WLS: variants seen among roughly 807,000 people sequenced by gnomAD.
WLS encodes protein wntless homolog.
Under a neutral mutation model 62.8 loss-of-function variants are expected in WLS, and 23 were observed. That is an observed-to-expected ratio of 0.37 (90% CI 0.26 to 0.52). WLS has a LOEUF of 0.52. Among genes scored for constraint, WLS ranks in the 20% least tolerant of loss-of-function variants. The probability of loss-of-function intolerance (pLI) is 0.92; values close to 1 mark genes in which losing one functional copy is unlikely to be tolerated. For missense variants in WLS, 615 were observed against 697.3 expected (o/e 0.88, Z 1.33); for synonymous variants, 246 against 244.1 (o/e 1.01, Z -0.07).
intron 3 of WLS, among the ~76,000 whole-genome samples, chr1:68,158,302 G>C (rs1235673957): frequency 6.6e-6 from 1 of 152,150 alleles, no homozygotes; most frequent in Non-Finnish European, 1.5e-5. Flanking sequence ...TAGGAAACCT[G>C]CGGGAGGGAG....
At chr1:68,146,567 G>T (rs1228212090) in intron 8 of WLS, among the ~76,000 whole-genome samples, 1 of 152,128 alleles carries the variant, frequency 6.6e-6, no homozygotes, top group Non-Finnish European at 1.5e-5. Context: ...AGATACTCTG[G>T]CATAATTGAA....
chr1:68,149,742 G>A lies in WLS; in HGVS notation c.972+446C>T, dbSNP rs566826036. Among the ~76,000 whole-genome samples the A allele has an allele frequency of 2.6e-5, 4 of 152,296 alleles. No individual in the cohort carries two copies. In the South Asian group the frequency reaches 8.3e-4, roughly 32 times the overall value. ...GGCCACCTGGACACATTGCCAGCTG[G>A]AAAGAGCCAGGCCCACATTCTCTGA... On this transcript the variant is annotated intron_variant, in intron 6 of 11. Coordinates refer to ENST00000262348, the MANE Select transcript of WLS (RefSeq NM_024911.7).
At chr1:68,219,542 C>T (rs756157596) in intron 1 of WLS, among the ~76,000 whole-genome samples, 6 of 152,130 alleles carry the variant, frequency 3.9e-5, no homozygotes, top group Non-Finnish European at 8.8e-5. Context: ...TTAGGGAGGA[C>T]CTCAAAGCCT....
intron 11 of WLS, among the ~76,000 whole-genome samples, chr1:68,130,704 T>G (rs1041673817): frequency 2.6e-5 from 4 of 152,176 alleles, no homozygotes; most frequent in African/African-American, 9.7e-5. Context: ...TTAATATGAT[T>G]GTTATGTTAA....
intron 11 of WLS, among the ~76,000 whole-genome samples, chr1:68,111,812 T>C (rs112596186): frequency 3.3e-5 from 5 of 152,308 alleles, no homozygotes; most frequent in African/African-American, 1.2e-4. Context: ...TTCTGGTGTA[T>C]GTCCTGCTTG....
intron 6 of WLS, among the ~76,000 whole-genome samples, chr1:68,149,343 C>T (rs1289046200): frequency 6.6e-6 from 1 of 152,136 alleles, no homozygotes; most frequent in African/African-American, 2.4e-5. Context: ...GCTGCTGAGG[C>T]CTCATTCTCA....
At chr1:68,229,871 A>T (rs943624926) in intron 1 of WLS, among the ~76,000 whole-genome samples, 1 of 152,196 alleles carries the variant, frequency 6.6e-6, no homozygotes, top group Non-Finnish European at 1.5e-5. Context: ...TTATACATAG[A>T]TATTTTTCAA....
At chr1:68,151,368 A>T (rs754335207) in intron 5 of WLS, among the ~76,000 whole-genome samples, 6 of 152,156 alleles carry the variant, frequency 3.9e-5, no homozygotes, top group Non-Finnish European at 7.3e-5. Context: ...GGAGAACTGA[A>T]ATTTATCTTG....
intron 1 of WLS, among the ~76,000 whole-genome samples, chr1:68,207,311 T>C (rs999250439): frequency 2.0e-5 from 3 of 152,200 alleles, no homozygotes; most frequent in East Asian, 1.9e-4. Flanking sequence ...ATGAAATAAT[T>C]TGGATCATGT....
chr1:68,106,650 TAGAC>T (rs1421908379), intron 11 of WLS, among the ~76,000 whole-genome samples: 1 of 152,212 alleles, frequency 6.6e-6, no homozygotes, highest in African/African-American at 2.4e-5. Context: ...TTCTCATGCA[TAGAC>T]AGACTGCTTC....
intron 3 of WLS, among the ~76,000 whole-genome samples, chr1:68,155,662 CA>C (rs1406364649): frequency 3.9e-5 from 6 of 152,128 alleles, no homozygotes; most frequent in Non-Finnish European, 7.3e-5. Flanking sequence ...GTGGAACAGT[CA>C]GCTTCTTAAA....
intron 11 of WLS, among the ~76,000 whole-genome samples, chr1:68,131,595 C>T (rs577879418): frequency 1.3e-5 from 2 of 152,212 alleles, no homozygotes; most frequent in South Asian, 4.2e-4. Flanking sequence ...CTGACACTTA[C>T]TGCCAGGCAG....
intron 2 of WLS, among the ~76,000 whole-genome samples, chr1:68,166,500 C>T (rs569855280): frequency 6.6e-6 from 1 of 152,314 alleles, no homozygotes; most frequent in African/African-American, 2.4e-5. Flanking sequence ...AAGTCTGGAT[C>T]ACGTAAGGGC....
intron 1 of WLS, among the ~76,000 whole-genome samples, chr1:68,205,726 C>A (rs963692778): frequency 8.5e-5 from 13 of 152,184 alleles, no homozygotes; most frequent in African/African-American, 2.9e-4. Context: ...CAGTACCTAC[C>A]AGAGAAAAAG....
At chr1:68,098,488 A>C (rs922579616) in exon 12 of WLS, 5 of 1,305,418 alleles carry the variant, frequency 3.8e-6, no homozygotes, top group Admixed American at 2.5e-5. Context: ...CTCAAAGAAT[A>C]TTTATTGTTG....
Position 68,146,015 on chromosome 1 carries a change from G to T in WLS, c.1135-3C>A. 1 of 1,613,916 alleles carries T rather than the reference G, an allele frequency of 6.2e-7. No homozygotes were observed. Among genetic ancestry groups the T allele is most frequent in the African/African-American group, 1.3e-5 (1 of 75,052 alleles). ...CCAGCCACGATGATGAAGGCCATCT[G>T]GTCGTGTCCAGTAAAGGAAACAACG... On this transcript the variant is annotated splice_region_variant and splice_polypyrimidine_tract_variant and intron_variant, in intron 8 of 11. Transcript: ENST00000262348.
chr1:68,162,883 C>T (rs1570925791), intron 2 of WLS: 1 of 1,524,174 alleles, frequency 6.6e-7, no homozygotes, highest in Non-Finnish European at 9.1e-7. Context: ...AGAACCTTCT[C>T]GTGGATTTCC....
downstream of WLS, among the ~76,000 whole-genome samples, chr1:68,123,897 A>G (rs746202859): frequency 2.6e-5 from 4 of 151,676 alleles, no homozygotes; most frequent in Admixed American, 6.6e-5. Flanking sequence ...GGTTAATTCA[A>G]CTCTTCCATG....
At chr1:68,159,045 C>T in intron 3 of WLS, 78 bp downstream of exon 3, 1 of 1,582,206 alleles carries the variant, frequency 6.3e-7, no homozygotes, top group Non-Finnish European at 8.6e-7. Context: ...AGGGACACAC[C>T]TATGAAAAGT....
Sources: gnomAD v4.1 joint callset for allele counts (sites outside exome capture counted in the v4.1 genomes callset) on GRCh38, gnomAD v4.1.1 for gene constraint, MANE v1.5 for transcripts, NCBI Gene and HGNC (gene_info 2026-07-23, HGNC 2026-07-21) for gene names.